HNRNPD: variants seen among roughly 807,000 people sequenced by gnomAD.
The protein encoded by HNRNPD is heterogeneous nuclear ribonucleoprotein D0.
HNRNPD carries 3 observed loss-of-function variants against 47.9 expected under a neutral mutation model. The ratio of observed to expected loss-of-function variants is 0.06; its 90% CI spans 0.03 to 0.16. HNRNPD has a LOEUF of 0.16. Among genes scored for constraint, HNRNPD ranks in the 10% least tolerant of loss-of-function variants. The pLI is 1.00. For synonymous variants in HNRNPD, 171 were observed against 165.1 expected, an observed-to-expected ratio of 1.04 and a Z score of -0.28; for missense variants, 287 against 454.2, an observed-to-expected ratio of 0.63 and a Z score of 3.35.
intron 3 of HNRNPD, 40 bp downstream of exon 3, chr4:82,359,431 A>T (rs1168618190): frequency 7.3e-7 from 1 of 1,361,218 alleles, no homozygotes; most frequent in Non-Finnish European, 9.8e-7. Flanking sequence ...ATATGTTAAT[A>T]TTTTATATTA....
At chr4:82,359,310 C>T (rs1035611542) in intron 3 of HNRNPD, among the ~76,000 whole-genome samples, 161 bp downstream of exon 3, 5 of 152,074 alleles carry the variant, frequency 3.3e-5, no homozygotes, top group Non-Finnish European at 7.4e-5. Flanking sequence ...GAAATAATTC[C>T]TGAACCTACC....
chr4:82,369,066 G>A (rs909721323), intron 2 of HNRNPD, among the ~76,000 whole-genome samples: 2 of 152,178 alleles, frequency 1.3e-5, no homozygotes, highest in African/African-American at 4.8e-5. Flanking sequence ...TACCTACCTT[G>A]TAAAACTATC....
chr4:82,357,720 C>A, intron 4 of HNRNPD: 1 of 247,656 alleles, frequency 4.0e-6, no homozygotes, highest in Non-Finnish European at 7.7e-6. Flanking sequence ...CAAATGCCCA[C>A]AAAGAACAAG....
At chr4:82,370,582 C>G (rs1719992728) in intron 2 of HNRNPD, among the ~76,000 whole-genome samples, 2 of 151,764 alleles carry the variant, frequency 1.3e-5, no homozygotes, top group African/African-American at 4.8e-5. Flanking sequence ...TCTGCTTTTT[C>G]TCCAAGGTAA....
intron 2 of HNRNPD, among the ~76,000 whole-genome samples, chr4:82,365,460 G>A (rs544601400): frequency 6.6e-6 from 1 of 151,988 alleles, no homozygotes; most frequent in Non-Finnish European, 1.5e-5. Context: ...CTAAGGGGAA[G>A]GGAGGAGGTT....
At chr4:82,372,737 G>A (rs1578060075) in intron 1 of HNRNPD, among the ~76,000 whole-genome samples, 1 of 152,248 alleles carries the variant, frequency 6.6e-6, no homozygotes, top group East Asian at 1.9e-4. Flanking sequence ...CAGAGCCCGC[G>A]GAGCAAAACC....
intron 2 of HNRNPD, among the ~76,000 whole-genome samples, chr4:82,363,861 A>C (rs1404810103): frequency 6.6e-6 from 1 of 152,264 alleles, no homozygotes; most frequent in Non-Finnish European, 1.5e-5. Flanking sequence ...ATAGATAACT[A>C]TCCAAGTGAT....
At chr4:82,369,330 G>A (rs973002581) in intron 2 of HNRNPD, among the ~76,000 whole-genome samples, 1 of 152,038 alleles carries the variant, frequency 6.6e-6, no homozygotes, top group African/African-American at 2.4e-5. Context: ...AACTCAGGAG[G>A]GCATACTATG....
At chr4:82,369,240 A>T (rs1415112852) in intron 2 of HNRNPD, among the ~76,000 whole-genome samples, 1 of 152,212 alleles carries the variant, frequency 6.6e-6, no homozygotes, top group Non-Finnish European at 1.5e-5. Context: ...ATGGGTCCAC[A>T]CCACAAAGTA....
rs776658593 is a variant in HNRNPD, at chr4:82,373,554, CCCG to C, written c.122_124del (p.Ala41del). 1.9e-5 allele frequency: 30 copies of C among 1,538,768 alleles called. No individual in the cohort carries two copies. The highest frequency in any genetic ancestry group is 1.0e-4 in the Admixed American group (5 of 50,032). On this transcript the variant is annotated inframe_deletion, in exon 1 of 9. Coordinates refer to ENST00000313899, the MANE Select transcript of HNRNPD (RefSeq NM_031370.3). ...TCCGCCCCCGGTCCCGGCTCCGCTT[CCCG>C]CCGCCGCCGCTGCCCCCTGTGTCGC...
rs1454950679 is a variant in HNRNPD at position 82,352,805 on chromosome 4, T to C, written c.*1380A>G. On this transcript the variant is annotated 3_prime_UTR_variant, in exon 9 of 9. Transcript: ENST00000313899. ...ATTTGGATCTATCATAAAAAAACTT[T>C]AATAACACTAACTTTTGCTCATTAA... is the stretch of plus-strand genomic sequence containing the variant. The C allele has an allele frequency of 6.6e-6, 1 of 152,084 alleles. No individual in the cohort carries two copies. The highest frequency in any genetic ancestry group is 1.5e-5 in the Non-Finnish European group (1 of 68,010). The allele number at this position is 152,084 out of a possible 1,614,324, so 9.4% of individuals were successfully genotyped here. A position where few individuals can be genotyped will look rare whatever the true frequency, so the allele number is the denominator to read the frequency against.
intron 2 of HNRNPD, among the ~76,000 whole-genome samples, chr4:82,370,962 C>CCTTTTAAT (rs1720011375): frequency 7.8e-6 from 1 of 128,166 alleles, no homozygotes; most frequent in African/African-American, 3.0e-5. Flanking sequence ...CATTAGCCCA[C>CCTTTTAAT]CTTTTAATGG....
chr4:82,357,014 TCA>T, intron 5 of HNRNPD, 119 bp from the exon 6 acceptor site: 1 of 879,138 alleles, frequency 1.1e-6, no homozygotes, highest in Admixed American at 2.0e-5. Context: ...GAAACTTTCC[TCA>T]GTCAGTTTAT....
intron 2 of HNRNPD, among the ~76,000 whole-genome samples, chr4:82,368,252 A>G (rs140125615): frequency 8.6e-4 from 131 of 152,286 alleles, no homozygotes; most frequent in African/African-American, 3.0e-3. Context: ...AGTATACTCA[A>G]TATGTATACT....
At chr4:82,370,981 T>TACACACACACACACAC (rs1553896641) in intron 2 of HNRNPD, among the ~76,000 whole-genome samples, 13 of 149,352 alleles carry the variant, frequency 8.7e-5, no homozygotes, top group African/African-American at 2.0e-4. Context: ...GGTATATATA[T>TACACACACACACACAC]ACACACACAC....
At position 82,356,582 on chromosome 4, in the gene HNRNPD, C is replaced by T; in HGVS notation, c.955G>A (p.Asp319Asn). Residue 319 changes from aspartate to asparagine, a missense_variant, in exon 7 of 9, where the codon GAC (aspartate) becomes AAC (asparagine). This residue lies in a region of HNRNPD where 65 missense variants were observed against 107.1 expected (regional missense o/e 0.61). Transcript: ENST00000313899. ...SQGYGGYGGY[D>N]YTGYNNYYGY... ...TAGTAGTTGTTGTAACCAGTGTAGT[C>T]ATATCCTCCATAACCACCGTAACCT... 6.2e-7 allele frequency: 1 copy of T among 1,611,236 alleles called. No homozygotes were observed. The highest frequency in any genetic ancestry group is 1.1e-5 in the South Asian group (1 of 90,976).
intron 2 of HNRNPD, among the ~76,000 whole-genome samples, chr4:82,360,099 C>T (rs1723894841): frequency 6.6e-6 from 1 of 152,128 alleles, no homozygotes; most frequent in Non-Finnish European, 1.5e-5. Flanking sequence ...ATTAACAAAA[C>T]TCTTAGCACA....
intron 2 of HNRNPD, among the ~76,000 whole-genome samples, chr4:82,371,005 C>CACACA (rs199747555): frequency 6.6e-6 from 1 of 151,636 alleles, no homozygotes; most frequent in Non-Finnish European, 1.5e-5. Context: ...CACACACACA[C>CACACA]TTCTTATTAA....
intron 2 of HNRNPD, among the ~76,000 whole-genome samples, chr4:82,363,594 C>G (rs1232592477): frequency 6.6e-6 from 1 of 152,162 alleles, no homozygotes. Flanking sequence ...TGGCCCCTAA[C>G]GCTGCAATAA....
Sources: gnomAD v4.1 joint callset for allele counts (sites outside exome capture counted in the v4.1 genomes callset) on GRCh38, gnomAD v4.1.1 for gene constraint, gnomAD v4.1.1 regional missense constraint, MANE v1.5 for transcripts, NCBI Gene and HGNC (gene_info 2026-07-23, HGNC 2026-07-21) for gene names.